Variants in HELZ observed in about 807,000 individuals in gnomAD.
The protein encoded by HELZ is ATP-dependent RNA helicase with zinc finger domain.
In HELZ, 23 loss-of-function variants were observed where a neutral mutation model predicts 218.2. That is an observed-to-expected ratio of 0.11 (90% CI 0.08 to 0.15). The LOEUF (loss-of-function observed/expected upper bound fraction) is 0.15, where lower values mean the gene tolerates loss of function less well. Ranked by LOEUF, HELZ falls within the 10% of genes least tolerant of loss-of-function variation. The pLI is 1.00. For synonymous variants in HELZ, 814 were observed against 829.4 expected (o/e 0.98, Z 0.32); for missense variants, 1,813 against 2,353.7 (o/e 0.77, Z 4.75).
chr17:67,183,713 G>A (rs1024555920), intron 12 of HELZ, among the ~76,000 whole-genome samples: 35 of 152,242 alleles, frequency 2.3e-4, no homozygotes, highest in African/African-American at 8.4e-4. Context: ...TAAGAATGCA[G>A]TCTGTTTTCT....
chr17:67,229,494 T>C (rs562338888), intron 3 of HELZ, among the ~76,000 whole-genome samples: 2 of 152,336 alleles, frequency 1.3e-5, no homozygotes, highest in East Asian at 3.9e-4. Flanking sequence ...AAATGCATCG[T>C]GTAAAATGCC....
At chr17:67,212,314 C>CAAAAAAAAAAAAA (rs10692832) in intron 5 of HELZ, among the ~76,000 whole-genome samples, 4,093 of 21,382 alleles carry the variant, frequency 0.19, 1,662 homozygotes, top group Non-Finnish European at 0.26. Flanking sequence ...GACACCATCT[C>CAAAAAAAAAAAAA]AAAAAAAAAA....
chr17:67,123,008 C>T lies in HELZ; in HGVS notation c.3592G>A (p.Val1198Ile). 5 of 1,613,494 alleles carry T rather than the reference C, an allele frequency of 3.1e-6. No homozygotes were observed. Among genetic ancestry groups the T allele is most frequent in the Non-Finnish European group, 4.2e-6 (5 of 1,179,464 alleles). Reference protein sequence around the residue: ...TGTSILYVPAVYGGNVVMSVP... With the variant: ...TGTSILYVPAIYGGNVVMSVP... ...GACATAACTACATTCCCTCCATAGACAGCAGGTACATAAAGAATACTTGTC... is the reference window on the plus strand; with the variant it reads ...GACATAACTACATTCCCTCCATAGATAGCAGGTACATAAAGAATACTTGTC... The change falls in exon 26 of 33, where the codon GTC (valine) becomes ATC (isoleucine). Residue 1198 changes from valine (V) to isoleucine (I), a missense_variant. By Grantham distance (29) the Val-to-Ile change is conservative. This residue lies in a region of HELZ where 938 missense variants were observed against 1,027.5 expected (regional missense o/e 0.91). Coordinates refer to ENST00000358691, the MANE Select transcript of HELZ (RefSeq NM_014877.4).
At position 67,072,571 on chromosome 17, in the gene HELZ, G is replaced by A. The variant is rs2035919141; in HGVS notation, c.*5681C>T. 6.6e-6 allele frequency: 1 copy of A among 152,668 alleles called. No individual in the cohort carries two copies. Among genetic ancestry groups the A allele is most frequent in the Non-Finnish European group, 1.5e-5 (1 of 68,198 alleles). The allele number at this position is 152,668 out of a possible 1,614,324, so 9.5% of individuals were successfully genotyped here. On this transcript the variant is annotated 3_prime_UTR_variant, in exon 33 of 33. Transcript: ENST00000358691. ...TGCACAGCTTCCAGACTGATGTCCAGGCAGCAGCGTACACAAAAGCAAACT... is the reference window on the plus strand; with the variant it reads ...TGCACAGCTTCCAGACTGATGTCCAAGCAGCAGCGTACACAAAAGCAAACT...
chr17:67,179,239 T>C (rs752168151), intron 12 of HELZ, among the ~76,000 whole-genome samples: 7 of 152,164 alleles, frequency 4.6e-5, no homozygotes, highest in Non-Finnish European at 7.4e-5. Context: ...CAAGAGAAAT[T>C]TGAATCTGCG....
At chr17:67,092,661 T>A (rs1272345671) in intron 31 of HELZ, among the ~76,000 whole-genome samples, 1 of 152,196 alleles carries the variant, frequency 6.6e-6, no homozygotes, top group Non-Finnish European at 1.5e-5. Flanking sequence ...CCCAAGTTGC[T>A]TTTTAGTGAA....
chr17:67,077,751 T>TA lies in HELZ; in HGVS notation c.*500dup, dbSNP rs1179469184. 2.6e-5 allele frequency: 4 copies of TA among 151,212 alleles called. No individual in the cohort carries two copies. The highest frequency in any genetic ancestry group is 5.9e-5 in the Non-Finnish European group (4 of 67,828). 9.4% of individuals were successfully genotyped at this position (151,212 alleles called of 1,614,324 possible). A position where few individuals can be genotyped will look rare whatever the true frequency, so the allele number is the denominator to read the frequency against. ...AAAAAAAAAGCTGATAAAACTTATT[T>TA]AGAAGATGCTGCCCCTTTATTTTAA... On this transcript the variant is annotated 3_prime_UTR_variant, in exon 33 of 33. Coordinates refer to ENST00000358691, the MANE Select transcript of HELZ (RefSeq NM_014877.4).
chr17:67,222,272 T>A (rs2040767416), intron 3 of HELZ, among the ~76,000 whole-genome samples: 1 of 152,188 alleles, frequency 6.6e-6, no homozygotes, highest in African/African-American at 2.4e-5. Flanking sequence ...AATACACTGG[T>A]AATGATTATC....
chr17:67,093,503 T>C (rs1488674552), intron 31 of HELZ, among the ~76,000 whole-genome samples: 3 of 152,326 alleles, frequency 2.0e-5, no homozygotes, highest in African/African-American at 7.2e-5. Flanking sequence ...TCTAAAGCAA[T>C]GCTGTCCAAA....
Position 67,199,502 on chromosome 17 carries a change from C to T in HELZ, c.429+1627G>A, listed in dbSNP as rs986505485. Among the ~76,000 whole-genome samples, 5 of 152,166 alleles carry T rather than the reference C, an allele frequency of 3.3e-5. No homozygotes were observed. In the Middle Eastern group the frequency reaches 0.014, roughly 414 times the overall value. ...TGCTGGGATTATAGGCGTGAAGCAC[C>T]GCACCGGGACTGTTTTGCCATTACT... is the stretch of plus-strand genomic sequence containing the variant. On this transcript the variant is annotated intron_variant, in intron 7 of 32. Transcript: ENST00000358691.
chr17:67,117,137 G>A (rs376752928), intron 27 of HELZ, among the ~76,000 whole-genome samples: 35 of 152,298 alleles, frequency 2.3e-4, no homozygotes, highest in African/African-American at 8.4e-4. Flanking sequence ...TTACAGGCAT[G>A]AGCCACCATG....
Position 67,087,032 on chromosome 17 carries a change from G to C in HELZ, c.5291C>G (p.Ser1764Cys), listed in dbSNP as rs536433558. 1.2e-6 allele frequency: 2 copies of C among 1,614,022 alleles called. 1 individual carries two copies. Among genetic ancestry groups the C allele is most frequent in the African/African-American group, 2.7e-5 (2 of 75,022 alleles). The change falls in exon 32 of 33, where the codon TCT becomes TGT. Residue 1764 changes from serine (S) to cysteine (C), a missense_variant. Ser to Cys is a moderately radical substitution (Grantham distance 112). Coordinates refer to ENST00000358691, the MANE Select transcript of HELZ (RefSeq NM_014877.4). ...TTCAGAACAAGGTTGAACTGAGCTA[G>C]ATGAGATTCTTCTTTGGTACAAGGG... ...GRPLYQRRIS[S>C]SSVQPCSEEV... is the part of the protein sequence containing the mutation.
chr17:67,145,669 T>G, intron 21 of HELZ, 74 bp downstream of exon 21: 1 of 1,282,532 alleles, frequency 7.8e-7, no homozygotes. Flanking sequence ...ACCCAAAACT[T>G]TAAATAAATG....
chr17:67,166,733 T>C, intron 14 of HELZ, 125 bp from the exon 15 acceptor site: 1 of 717,702 alleles, frequency 1.4e-6, no homozygotes, highest in Non-Finnish European at 2.3e-6. Context: ...TAAAGTATAA[T>C]CATAGTCTAA....
intron 23 of HELZ, among the ~76,000 whole-genome samples, chr17:67,132,561 T>G (rs2038021110): frequency 6.6e-6 from 1 of 152,212 alleles, no homozygotes. Flanking sequence ...TGAATCAGGC[T>G]GCCCATTTAA....
chr17:67,102,663 T>C (rs2036965106), intron 31 of HELZ, among the ~76,000 whole-genome samples: 1 of 152,182 alleles, frequency 6.6e-6, no homozygotes, highest in Admixed American at 6.5e-5. Flanking sequence ...TGTGAGATGA[T>C]TCATGCAAAA....
intron 3 of HELZ, among the ~76,000 whole-genome samples, chr17:67,229,049 G>A (rs2040968741): frequency 6.6e-6 from 1 of 152,156 alleles, no homozygotes; most frequent in African/African-American, 2.4e-5. Flanking sequence ...AAGTGAAGAG[G>A]AAGAAAGCCT....
chr17:67,178,603 G>GA, intron 13 of HELZ, 56 bp downstream of exon 13: 1 of 1,421,878 alleles, frequency 7.0e-7, no homozygotes, highest in Non-Finnish European at 9.6e-7. Flanking sequence ...TTAAAGATTA[G>GA]AAATACCATC....
upstream of HELZ, chr17:67,245,900 G>T (rs1250637729): frequency 6.6e-6 from 1 of 152,192 alleles, no homozygotes; most frequent in Non-Finnish European, 1.5e-5. Flanking sequence ...CCTCCCCTAG[G>T]AATGTGGCTC....
Sources: allele counts gnomAD v4.1 joint callset (sites outside exome capture counted in the v4.1 genomes callset), GRCh38; gene constraint gnomAD v4.1.1; regional missense constraint gnomAD v4.1.1; transcripts MANE v1.5; gene names NCBI Gene and HGNC (gene_info 2026-07-23, HGNC 2026-07-21).